The following MYOM2 variants were observed in gnomAD, a reference collection of about 807,000 sequenced individuals.
MYOM2 encodes the protein myomesin-2.
In MYOM2, 254 loss-of-function variants were observed where a neutral mutation model predicts 187.6. The observed-to-expected ratio is 1.35, with a 90% CI of 1.22 to 1.50. The LOEUF is 1.50. Among genes scored for constraint, MYOM2 ranks in the 40% most tolerant of loss-of-function variants. The pLI is 0.00. For missense variants in MYOM2, 2,796 were observed against 1,924.0 expected, an observed-to-expected ratio of 1.45 and a Z score of -8.48; for synonymous variants, 981 against 753.8, an observed-to-expected ratio of 1.30 and a Z score of -4.94.
chr8:2,064,565 A>T (rs920116160), intron 6 of MYOM2, among the ~76,000 whole-genome samples: 1 of 152,142 alleles, frequency 6.6e-6, no homozygotes, highest in Non-Finnish European at 1.5e-5. Flanking sequence ...AAGCGGATGG[A>T]GGGCTTCTTC....
intron 32 of MYOM2, among the ~76,000 whole-genome samples, chr8:2,130,698 C>A (rs1451673411): frequency 2.0e-5 from 3 of 152,140 alleles, no homozygotes; most frequent in Admixed American, 2.0e-4. Context: ...TTTATTCAAA[C>A]TCAAATGGAG....
intron 19 of MYOM2, 147 bp from the exon 20 acceptor site, chr8:2,100,729 G>T (rs1391820203): frequency 5.3e-6 from 4 of 755,778 alleles, no homozygotes; most frequent in Non-Finnish European, 8.6e-6. Context: ...CTGCAAGAGA[G>T]GCTGATAAAC....
At chr8:2,118,050 G>A in intron 28 of MYOM2, 98 bp downstream of exon 28, 1 of 1,087,266 alleles carries the variant, frequency 9.2e-7, no homozygotes, top group East Asian at 2.4e-5. Flanking sequence ...CTGTGATGCT[G>A]GTGAGGAAAC....
chr8:2,057,804 G>T lies in MYOM2; in HGVS notation c.560+24G>T, dbSNP rs184300225. On this transcript the variant is annotated intron_variant, in intron 5 of 36. Coordinates refer to ENST00000262113, the MANE Select transcript of MYOM2 (RefSeq NM_003970.4). ...TGGTGAGGGGCTCTGTTCCCAGGGG[G>T]TGAAGAAGTCCATTCTGCGTTTTCT... 1.9e-6 allele frequency: 3 copies of T among 1,606,276 alleles called. No individual in the cohort carries two copies. In the East Asian group the frequency reaches 6.7e-5, roughly 36 times the overall value.
intron 19 of MYOM2, among the ~76,000 whole-genome samples, chr8:2,099,588 A>C (rs991423931): frequency 6.4e-4 from 97 of 151,992 alleles, no homozygotes; most frequent in African/African-American, 2.3e-3. Flanking sequence ...CTCGCACTCT[A>C]CTGGTTTTTT....
At chr8:2,126,718 T>C (rs1585953162) in intron 31 of MYOM2, among the ~76,000 whole-genome samples, 1 of 76,258 alleles carries the variant, frequency 1.3e-5, no homozygotes, top group African/African-American at 5.2e-5. Context: ...GGGTGAGCAC[T>C]GGGGGAGGCT....
At chr8:2,130,980 C>A (rs1284971557) in intron 32 of MYOM2, among the ~76,000 whole-genome samples, 1 of 152,222 alleles carries the variant, frequency 6.6e-6, no homozygotes, top group Non-Finnish European at 1.5e-5. Context: ...GTTGTACACA[C>A]TTGCAATGTG....
At position 2,123,291 on chromosome 8, in the gene MYOM2, A is replaced by G. The variant is rs1797520328; in HGVS notation, c.3493A>G (p.Lys1165Glu). Residue 1165 changes from lysine to glutamate, a missense_variant, in exon 29 of 37, where the codon AAG becomes GAG. Lys to Glu is a moderately conservative substitution (Grantham distance 56). Coordinates refer to ENST00000262113, the MANE Select transcript of MYOM2 (RefSeq NM_003970.4). ...TKKETVFKWL[K>E]DDVLYETETL... ...GAAAGAAACCGTTTTCAAATGGCTCAAGGATGATGTTCTGTATGAAACGGA... is the reference window on the plus strand; with the variant it reads ...GAAAGAAACCGTTTTCAAATGGCTCGAGGATGATGTTCTGTATGAAACGGA... 1 of 1,613,928 alleles carries G rather than the reference A, an allele frequency of 6.2e-7. No homozygotes were observed. Among genetic ancestry groups the G allele is most frequent in the African/African-American group, 1.3e-5 (1 of 75,032 alleles).
At chr8:2,076,099 C>G in intron 10 of MYOM2, 42 bp from the exon 11 acceptor site, 1 of 1,585,328 alleles carries the variant, frequency 6.3e-7, no homozygotes, top group East Asian at 2.3e-5. Context: ...TGACCCCAGC[C>G]TTTAAATGAC....
At chr8:2,114,072 G>C (rs73169411) in intron 25 of MYOM2, among the ~76,000 whole-genome samples, 115,082 of 152,130 alleles carry the variant, frequency 0.76, 43,609 homozygotes, top group Admixed American at 0.81. Flanking sequence ...AGCCTCACCC[G>C]GGGGCATCAG....
Position 2,130,929 on chromosome 8 carries a change from T to A in MYOM2, c.3800+1697T>A, listed in dbSNP as rs549321193. On this transcript the variant is annotated intron_variant, in intron 32 of 36. Transcript: ENST00000262113. ...AAAGGAGAATTAATCATCAGCATCT[T>A]TGAGCTTCCTTCTTATTTACAGCAT... 2.1e-4 allele frequency among the ~76,000 whole-genome samples: 32 copies of A among 152,344 alleles called. 1 individual carries two copies. The highest frequency in any genetic ancestry group is 1.4e-3 in the Admixed American group (21 of 15,312).
intron 15 of MYOM2, among the ~76,000 whole-genome samples, chr8:2,091,368 TG>T (rs1450324442): frequency 6.6e-6 from 1 of 152,208 alleles, no homozygotes; most frequent in African/African-American, 2.4e-5. Context: ...CTTGCCCATC[TG>T]GCTTGAAGGT....
chr8:2,063,268 G>A (rs556656715), intron 6 of MYOM2, among the ~76,000 whole-genome samples: 9 of 152,250 alleles, frequency 5.9e-5, no homozygotes, highest in Non-Finnish European at 1.3e-4. Flanking sequence ...GTGGCAGAAT[G>A]TGTTGGCACC....
At chr8:2,140,397 A>G (rs56212789) in intron 32 of MYOM2, among the ~76,000 whole-genome samples, 118,821 of 151,664 alleles carry the variant, frequency 0.78, 47,033 homozygotes, top group African/African-American at 0.91. Context: ...CTACACAAGT[A>G]ATTGCTGGAT....
intron 2 of MYOM2, among the ~76,000 whole-genome samples, chr8:2,051,904 T>C (rs963109151): frequency 6.6e-6 from 1 of 152,252 alleles, no homozygotes; most frequent in Non-Finnish European, 1.5e-5. Context: ...GGAAGGCGTG[T>C]CCTTGCATTT....
chr8:2,081,660 T>C (rs1819633121), intron 13 of MYOM2: 1 of 156,322 alleles, frequency 6.4e-6, no homozygotes, highest in Non-Finnish European at 1.4e-5. Flanking sequence ...GGAAATCATG[T>C]AATGGAATGA....
At chr8:2,143,503 A>G (rs779086381) in intron 36 of MYOM2, 47 bp downstream of exon 36, 1 of 1,608,344 alleles carries the variant, frequency 6.2e-7, no homozygotes, top group South Asian at 1.1e-5. Flanking sequence ...GCACGGTGCG[A>G]TGGACGCAAC....
chr8:2,064,209 C>G (rs1286786414), intron 6 of MYOM2, among the ~76,000 whole-genome samples: 2 of 152,200 alleles, frequency 1.3e-5, no homozygotes, highest in Non-Finnish European at 2.9e-5. Flanking sequence ...AGGGGGCAAA[C>G]CCTGGGAGGC....
intron 1 of MYOM2, among the ~76,000 whole-genome samples, chr8:2,050,321 A>G (rs918925068): frequency 6.6e-6 from 1 of 152,004 alleles, no homozygotes; most frequent in African/African-American, 2.4e-5. Flanking sequence ...GCCTCCTGCC[A>G]TTCCCAGGAC....
Sources: allele counts gnomAD v4.1 joint callset (sites outside exome capture counted in the v4.1 genomes callset), GRCh38; gene constraint gnomAD v4.1.1; transcripts MANE v1.5; gene names NCBI Gene and HGNC (gene_info 2026-07-23, HGNC 2026-07-21).